SMURF2: variants seen among roughly 807,000 people sequenced by gnomAD.
SMURF2 encodes SMAD specific E3 ubiquitin protein ligase 2, also known as E3 ubiquitin-protein ligase SMURF2.
A neutral mutation model predicts 109.6 loss-of-function variants in SMURF2; 48 were observed. That is an observed-to-expected ratio of 0.44 (90% CI 0.35 to 0.56). The LOEUF is 0.56. Ranked by LOEUF, SMURF2 falls within the 20% of genes least tolerant of loss-of-function variation. The probability of loss-of-function intolerance (pLI) is 0.01; values close to 1 mark genes in which losing one functional copy is unlikely to be tolerated. For missense variants in SMURF2, 575 were observed against 909.0 expected (o/e 0.63, Z 4.72); for synonymous variants, 288 against 317.1 (o/e 0.91, Z 0.97).
At chr17:64,654,229 G>A (rs1598319164) in intron 1 of SMURF2, among the ~76,000 whole-genome samples, 1 of 152,202 alleles carries the variant, frequency 6.6e-6, no homozygotes, top group Non-Finnish European at 1.5e-5. Flanking sequence ...TAAACTTTAT[G>A]TCTGCTACCA....
In SMURF2 at chr17:64,581,662, T is replaced by C. The variant is rs1969579451; in HGVS notation, c.570-671A>G. The stretch of plus-strand genomic sequence containing the variant: ...TCAAGAGTTCATTCTTAAATTAACA[T>C]GGCAGGGTATGGTGGCTCACACCTG... On this transcript the variant is annotated intron_variant, in intron 7 of 18. Coordinates refer to ENST00000262435, the MANE Select transcript of SMURF2 (RefSeq NM_022739.4). This position sits in a 1 kb window ranked among gnomAD's most constrained non-coding sequence, Gnocchi z 4.3. Among the ~76,000 whole-genome samples the C allele has an allele frequency of 6.6e-6, 1 of 152,076 alleles. No individual in the cohort carries two copies. The highest frequency in any genetic ancestry group is 6.6e-5 in the Admixed American group (1 of 15,258).
chr17:64,578,404 TA>T, intron 9 of SMURF2, 87 bp downstream of exon 9: 1 of 867,970 alleles, frequency 1.2e-6, no homozygotes, highest in South Asian at 1.6e-5. Context: ...AAACTATTTT[TA>T]AAAGGTAAAA....
intron 15 of SMURF2, among the ~76,000 whole-genome samples, chr17:64,552,814 C>T (rs1555683731): frequency 6.6e-6 from 1 of 152,126 alleles, no homozygotes; most frequent in Admixed American, 6.5e-5. Flanking sequence ...AGCGGTTCTC[C>T]TGCCTCGGGC....
At chr17:64,591,809 G>A (rs1969755206) in intron 4 of SMURF2, among the ~76,000 whole-genome samples, 1 of 152,176 alleles carries the variant, frequency 6.6e-6, no homozygotes, top group Non-Finnish European at 1.5e-5. Context: ...CTACTTATCT[G>A]TGAATTGATA....
rs557269729 is a variant in SMURF2, at chr17:64,589,924, A to T, written c.400+1160T>A. On this transcript the variant is annotated intron_variant, in intron 5 of 18. Coordinates refer to ENST00000262435, the MANE Select transcript of SMURF2 (RefSeq NM_022739.4). ...CATGAAACCGGTTCCTGGTACCAAA[A>T]ATGGTGGGGTGCGCTGGTATAGATA... 2.0e-5 allele frequency among the ~76,000 whole-genome samples: 3 copies of T among 152,050 alleles called. No individual in the cohort carries two copies. The South Asian group carries it at 6.2e-4, about 32-fold the overall frequency.
intron 1 of SMURF2, among the ~76,000 whole-genome samples, chr17:64,620,284 C>G (rs1970184580): frequency 6.6e-6 from 1 of 152,164 alleles, no homozygotes; most frequent in Non-Finnish European, 1.5e-5. Context: ...TTTTCTTTAA[C>G]CCCTAAAGCT....
At chr17:64,562,735 A>C in intron 11 of SMURF2, 36 bp downstream of exon 11, 1 of 1,594,120 alleles carries the variant, frequency 6.3e-7, no homozygotes, top group Non-Finnish European at 8.6e-7. Context: ...TTCTGGAAAA[A>C]AAAATAGTAA....
At chr17:64,552,587 C>T (rs1294019893) in intron 15 of SMURF2, among the ~76,000 whole-genome samples, 3 of 152,174 alleles carry the variant, frequency 2.0e-5, no homozygotes, top group Non-Finnish European at 4.4e-5. Context: ...GGGATTATTA[C>T]GTGCTGTAAA....
At chr17:64,587,424 CCT>C (rs1969679425) in intron 5 of SMURF2, among the ~76,000 whole-genome samples, 1 of 151,692 alleles carries the variant, frequency 6.6e-6, no homozygotes, top group African/African-American at 2.4e-5. Context: ...GTAGATAATC[CCT>C]GTCTGAATAA....
intron 1 of SMURF2, among the ~76,000 whole-genome samples, chr17:64,636,716 T>C (rs1423488078): frequency 1.3e-5 from 2 of 151,150 alleles, no homozygotes; most frequent in East Asian, 1.9e-4. Flanking sequence ...GAGGTGGAGG[T>C]TGCAGTGAGC....
intron 2 of SMURF2, among the ~76,000 whole-genome samples, chr17:64,603,363 C>T (rs1489124819): frequency 6.6e-6 from 1 of 152,102 alleles, no homozygotes; most frequent in African/African-American, 2.4e-5. Context: ...AGGCGGATCA[C>T]ATGAGGTCAG....
chr17:64,636,986 G>A (rs1970425463), intron 1 of SMURF2, among the ~76,000 whole-genome samples: 2 of 151,996 alleles, frequency 1.3e-5, no homozygotes, highest in African/African-American at 2.4e-5. Context: ...TTGGCAGGCC[G>A]AGACAAGAGG....
At chr17:64,621,903 AAATAATAAT>A (rs201565708) in intron 1 of SMURF2, among the ~76,000 whole-genome samples, 5 of 141,834 alleles carry the variant, frequency 3.5e-5, no homozygotes, top group African/African-American at 7.9e-5. Flanking sequence ...ATAAATAAAT[AAATAATAAT>A]AATAATAATA....
chr17:64,607,497 G>A (rs1331250003), intron 1 of SMURF2, among the ~76,000 whole-genome samples: 1 of 151,756 alleles, frequency 6.6e-6, no homozygotes, highest in African/African-American at 2.4e-5. Flanking sequence ...GTGGTGGCGT[G>A]CGCCTGTAGT....
chr17:64,608,452 C>A (rs1051548385), intron 1 of SMURF2, among the ~76,000 whole-genome samples: 1 of 152,032 alleles, frequency 6.6e-6, no homozygotes, highest in South Asian at 2.1e-4. Flanking sequence ...AAAACTAGGG[C>A]CATAACTAAG....
chr17:64,582,049 A>G (rs1969585151), intron 7 of SMURF2, among the ~76,000 whole-genome samples: 1 of 152,208 alleles, frequency 6.6e-6, no homozygotes, highest in Non-Finnish European at 1.5e-5. Context: ...TAAATGAGTC[A>G]GAAGGAAATT....
intron 1 of SMURF2, among the ~76,000 whole-genome samples, chr17:64,634,047 G>A (rs900113334): frequency 4.6e-5 from 7 of 152,098 alleles, no homozygotes; most frequent in South Asian, 2.1e-4. Context: ...CCAGCTACTT[G>A]GGAGGCTGAG....
intron 3 of SMURF2, 121 bp downstream of exon 3, chr17:64,598,261 C>T (rs1468452920): frequency 1.2e-5 from 10 of 821,500 alleles, no homozygotes; most frequent in Admixed American, 6.6e-5. Flanking sequence ...TTCTTTACCC[C>T]TTTTGTGATG....
intron 15 of SMURF2, among the ~76,000 whole-genome samples, chr17:64,551,970 C>T (rs1472304252): frequency 2.0e-5 from 3 of 152,186 alleles, no homozygotes; most frequent in Non-Finnish European, 4.4e-5. Flanking sequence ...TCCCAGGAAA[C>T]AGGACGTCTA....
Sources: allele counts gnomAD v4.1 joint callset (sites outside exome capture counted in the v4.1 genomes callset), GRCh38; gene constraint gnomAD v4.1.1; non-coding constraint Gnocchi (gnomAD v3.1); transcripts MANE v1.5; gene names NCBI Gene and HGNC (gene_info 2026-07-23, HGNC 2026-07-21).